ANGPTL2: variants seen among roughly 807,000 people sequenced by gnomAD.
ANGPTL2 encodes the protein angiopoietin-related protein 2.
A neutral mutation model predicts 52.8 loss-of-function variants in ANGPTL2; 25 were observed. The ratio of observed to expected loss-of-function variants is 0.47; its 90% confidence interval spans 0.35 to 0.66. The LOEUF (loss-of-function observed/expected upper bound fraction) is 0.66. ANGPTL2 is among the 30% of genes least tolerant of loss of function. The probability of loss-of-function intolerance (pLI) is 0.01; values close to 1 mark genes in which losing one functional copy is unlikely to be tolerated. For synonymous variants in ANGPTL2, 276 were observed against 277.4 expected (o/e 1.00, Z 0.05); for missense variants, 546 against 656.9 (o/e 0.83, Z 1.84).
At position 127,108,349 on chromosome 9, in the gene ANGPTL2, C is replaced by G. The variant is rs1393923800; in HGVS notation, c.383G>C (p.Arg128Pro). ...CTGCGTGACCCGCGAGTTCATGTTG[C>G]GGCTCTCCTTGCGCAGCAGCTTCAC... Reference protein sequence around the residue: ...SEVKLLRKESRNMNSRVTQLY... With the variant: ...SEVKLLRKESPNMNSRVTQLY... The change falls in exon 2 of 5, where the codon CGC becomes CCC. Residue 128 changes from arginine to proline, a missense_variant. Arg to Pro is a moderately radical substitution (Grantham distance 103). Around this residue, in one of 2 missense-constraint regions of ANGPTL2, gnomAD observed 285 missense variants for 295.8 expected, o/e 0.96. Transcript: ENST00000373425. The G allele has an allele frequency of 6.2e-7, 1 of 1,612,312 alleles. No individual in the cohort carries two copies. The highest frequency in any genetic ancestry group is 8.5e-7 in the Non-Finnish European group (1 of 1,179,046).
At chr9:127,101,282 CAA>C (rs1454587679) in intron 2 of ANGPTL2, among the ~76,000 whole-genome samples, 1 of 152,226 alleles carries the variant, frequency 6.6e-6, no homozygotes. Flanking sequence ...AGCCAGGGCT[CAA>C]GAGGATCACA....
chr9:127,118,115 C>A (rs1387969607), intron 1 of ANGPTL2, among the ~76,000 whole-genome samples: 1 of 152,222 alleles, frequency 6.6e-6, no homozygotes, highest in Admixed American at 6.5e-5. Context: ...AGTGCAGTGG[C>A]GCGATCTCAG....
At chr9:127,113,354 T>C (rs748381453) in intron 1 of ANGPTL2, among the ~76,000 whole-genome samples, 2 of 152,190 alleles carry the variant, frequency 1.3e-5, no homozygotes, top group Non-Finnish European at 2.9e-5. Flanking sequence ...TTTATTTTCC[T>C]TGGAGTCCAA....
chr9:127,090,508 C>T (rs1325262478), intron 4 of ANGPTL2, among the ~76,000 whole-genome samples: 1 of 152,218 alleles, frequency 6.6e-6, no homozygotes, highest in East Asian at 1.9e-4. Flanking sequence ...ATGGGCAGGT[C>T]ATGTCCCTCC....
At chr9:127,119,126 C>T (rs561922800) in intron 1 of ANGPTL2, among the ~76,000 whole-genome samples, 10 of 152,278 alleles carry the variant, frequency 6.6e-5, no homozygotes, top group East Asian at 3.9e-4. Flanking sequence ...CACCCAGGCA[C>T]GTGGAACAAG....
At chr9:127,098,693 G>A (rs934780229) in intron 2 of ANGPTL2, among the ~76,000 whole-genome samples, 7 of 152,164 alleles carry the variant, frequency 4.6e-5, no homozygotes, top group African/African-American at 1.7e-4. Context: ...GTTCTTGACA[G>A]GGATTAGGCA....
At chr9:127,094,538 A>G (rs2052881901) in intron 2 of ANGPTL2, among the ~76,000 whole-genome samples, 1 of 152,264 alleles carries the variant, frequency 6.6e-6, no homozygotes, top group Admixed American at 6.5e-5. Context: ...CCACAGTCAC[A>G]GGGGCCTAGG....
At chr9:127,102,303 T>G (rs898540203) in intron 2 of ANGPTL2, among the ~76,000 whole-genome samples, 7 of 151,902 alleles carry the variant, frequency 4.6e-5, no homozygotes, top group Non-Finnish European at 7.4e-5. Context: ...GTGCCAGCAT[T>G]TGTATGAGGC....
At position 127,091,896 on chromosome 9, in the gene ANGPTL2, C is replaced by G. The variant is rs2052524848; in HGVS notation, c.1056G>C (p.Glu352Asp). ...NIDGEYWLGL[E>D]NIYWLTNQGN... Reference sequence around the variant, plus strand: ...CTTGGTTCGTCAGCCAGTAAATGTTCTCCAGGCCCAGCCAGTATTCGCCGT... The same window carrying G: ...CTTGGTTCGTCAGCCAGTAAATGTTGTCCAGGCCCAGCCAGTATTCGCCGT... The change falls in exon 4 of 5, where the codon GAG becomes GAC. Residue 352 changes from glutamate to aspartate, a missense_variant. Physicochemically the swap from Glu to Asp is conservative, Grantham distance 45. This residue lies in a region of ANGPTL2 where 261 missense variants were observed against 361.0 expected (regional missense o/e 0.72). Transcript: ENST00000373425. The surrounding 1 kb of genome is among the most constrained non-coding windows in gnomAD (Gnocchi z 4.3). 1 of 1,614,178 alleles carries G rather than the reference C, an allele frequency of 6.2e-7. No individual in the cohort carries two copies. The highest frequency in any genetic ancestry group is 1.1e-5 in the South Asian group (1 of 91,078).
intron 2 of ANGPTL2, among the ~76,000 whole-genome samples, chr9:127,099,264 T>C (rs1180804051): frequency 6.6e-6 from 1 of 152,206 alleles, no homozygotes. Flanking sequence ...CTCCTGTGAA[T>C]ATTTTAGTCC....
At position 127,091,764 on chromosome 9, in the gene ANGPTL2, C is replaced by T. The variant is rs774784891; in HGVS notation, c.1188G>A (p.Arg396=). 2 of 1,614,044 alleles carry T rather than the reference C, an allele frequency of 1.2e-6. No individual in the cohort carries two copies. Among genetic ancestry groups the T allele is most frequent in the Admixed American group, 3.3e-5 (2 of 60,004 alleles). Residue 396 remains arginine, a synonymous_variant, in exon 4 of 5, where the codon CGG becomes CGA. Coordinates refer to ENST00000373425, the MANE Select transcript of ANGPTL2 (RefSeq NM_012098.3). This position sits in a 1 kb window ranked among gnomAD's most constrained non-coding sequence, Gnocchi z 4.3. ...LEPESEYYKL[R]LGRYHGNAGD... is the part of the protein sequence containing the mutation. ...CCGCATTGCCATGGTAGCGCCCCAG[C>T]CGCAGCTTATAATACTCGCTCTCAG... is the stretch of plus-strand genomic sequence containing the variant.
intron 1 of ANGPTL2, among the ~76,000 whole-genome samples, chr9:127,117,988 C>T (rs2055614765): frequency 6.6e-6 from 1 of 152,320 alleles, no homozygotes; most frequent in Middle Eastern, 3.4e-3. Context: ...CCCAGACAGG[C>T]TGATTTCAGC....
rs557692235 is a variant in ANGPTL2 at position 127,088,362 on chromosome 9, A to C, written c.*577T>G. Reference sequence around the variant, plus strand: ...ACATTCTGGAAGAATCCAGGCACACAGATGCCAAGGGTGATCCTTTCAGTT... The same window carrying C: ...ACATTCTGGAAGAATCCAGGCACACCGATGCCAAGGGTGATCCTTTCAGTT... On this transcript the variant is annotated 3_prime_UTR_variant, in exon 5 of 5. Coordinates refer to ENST00000373425, the MANE Select transcript of ANGPTL2 (RefSeq NM_012098.3). 1 of 152,706 alleles carries C rather than the reference A, an allele frequency of 6.5e-6. No homozygotes were observed. Among genetic ancestry groups the C allele is most frequent in the Non-Finnish European group, 1.5e-5 (1 of 68,380 alleles). 9.5% of individuals were successfully genotyped at this position (152,706 alleles called of 1,614,324 possible). A position where few individuals can be genotyped will look rare whatever the true frequency, so the allele number is the denominator to read the frequency against.
intron 4 of ANGPTL2, among the ~76,000 whole-genome samples, chr9:127,089,687 T>C (rs921811310): frequency 2.6e-5 from 4 of 152,352 alleles, no homozygotes; most frequent in Non-Finnish European, 5.9e-5. Flanking sequence ...CCAAACAATT[T>C]TTTGTATTAC....
chr9:127,122,336 CG>C lies in ANGPTL2; in HGVS notation c.-72del. On this transcript the variant is annotated 5_prime_UTR_variant, in exon 1 of 5. Transcript: ENST00000373425. This position sits in a 1 kb window ranked among gnomAD's most constrained non-coding sequence, Gnocchi z 6.4. Reference sequence around the variant, plus strand: ...TTACCTCTTCCCTCCTGCTTGGCTCCGGGGCGGCTCCTCACATGCTTCACCC... The same window carrying C: ...TTACCTCTTCCCTCCTGCTTGGCTCCGGGCGGCTCCTCACATGCTTCACCC... The C allele has an allele frequency of 6.6e-6, 1 of 152,588 alleles. No homozygotes were observed. Among genetic ancestry groups the C allele is most frequent in the Non-Finnish European group, 1.5e-5 (1 of 68,282 alleles). The allele number at this position is 152,588 out of a possible 1,614,324, so 9.5% of individuals were successfully genotyped here.
intron 1 of ANGPTL2, among the ~76,000 whole-genome samples, chr9:127,118,965 T>G (rs2055750947): frequency 6.6e-6 from 1 of 152,216 alleles, no homozygotes; most frequent in Non-Finnish European, 1.5e-5. Flanking sequence ...GAGCTCTGAT[T>G]CTTCAGTCCT....
rs2052257971 is a variant in ANGPTL2, at chr9:127,089,909, G to C, written c.1283-771C>G. On this transcript the variant is annotated intron_variant, in intron 4 of 4. Transcript: ENST00000373425. ...AGGGGGGTCCCCACTTTCCTGACTG[G>C]GCCTGGCAAGGGGACCCCGTACTCA... 2.0e-5 allele frequency among the ~76,000 whole-genome samples: 3 copies of C among 152,202 alleles called. No homozygotes were observed. The South Asian group carries it at 6.2e-4, about 32-fold the overall frequency.
At chr9:127,104,006 C>T (rs1269559771) in intron 2 of ANGPTL2, among the ~76,000 whole-genome samples, 1 of 152,158 alleles carries the variant, frequency 6.6e-6, no homozygotes, top group East Asian at 1.9e-4. Flanking sequence ...CAATATCCTG[C>T]AAGGTACAAG....
At position 127,108,426 on chromosome 9, in the gene ANGPTL2, C is replaced by A; in HGVS notation, c.306G>T (p.Gln102His). The part of the protein sequence containing the change: ...LNNELLKQKR[Q>H]IETLQQLVEV... ...CCACCAGCTGCTGCAGCGTCTCGAT[C>A]TGCCGCTTCTGCTTGAGCAGCTCAT... The change falls in exon 2 of 5, where the codon CAG (glutamine) becomes CAT (histidine). Residue 102 changes from glutamine to histidine, a missense_variant. Coordinates refer to ENST00000373425, the MANE Select transcript of ANGPTL2 (RefSeq NM_012098.3). 6.2e-7 allele frequency: 1 copy of A among 1,608,402 alleles called. No homozygotes were observed.
Sources: allele counts gnomAD v4.1 joint callset (sites outside exome capture counted in the v4.1 genomes callset), GRCh38; gene constraint gnomAD v4.1.1; regional missense constraint gnomAD v4.1.1; non-coding constraint Gnocchi (gnomAD v3.1); transcripts MANE v1.5; gene names NCBI Gene and HGNC (gene_info 2026-07-23, HGNC 2026-07-21).